The following TRPM3 variants were observed in gnomAD, a reference collection of about 807,000 sequenced individuals.
The protein encoded by TRPM3 is long transient receptor potential channel 3.
Under a neutral mutation model 181.2 loss-of-function variants are expected in TRPM3, and 77 were observed. That is an observed-to-expected ratio of 0.42 (90% CI 0.35 to 0.51). TRPM3 has a LOEUF of 0.51. Ranked by LOEUF, TRPM3 falls within the 20% of genes least tolerant of loss-of-function variation. The pLI is 0.01. For missense variants in TRPM3, 1,759 were observed against 2,196.7 expected (o/e 0.80, Z 3.98); for synonymous variants, 745 against 796.4 (o/e 0.94, Z 1.09).
intron 1 of TRPM3, among the ~76,000 whole-genome samples, chr9:71,074,398 C>G (rs534267174): frequency 2.6e-5 from 4 of 152,242 alleles, no homozygotes; most frequent in African/African-American, 7.2e-5. Flanking sequence ...TCATTTTACT[C>G]TCTGACTTTG....
At chr9:71,205,208 A>T (rs937649141) in intron 1 of TRPM3, among the ~76,000 whole-genome samples, 15 of 150,570 alleles carry the variant, frequency 1.0e-4, no homozygotes, top group African/African-American at 1.5e-4. Flanking sequence ...AAACTTAAAT[A>T]AAAAAAAGTA....
intron 12 of TRPM3, among the ~76,000 whole-genome samples, chr9:70,628,688 G>A (rs2065113185): frequency 6.6e-6 from 1 of 151,848 alleles, no homozygotes. Context: ...GGGGCATGGT[G>A]GCATGCACCT....
At chr9:70,823,518 C>T (rs1013677361) in intron 6 of TRPM3, among the ~76,000 whole-genome samples, 4 of 152,228 alleles carry the variant, frequency 2.6e-5, no homozygotes, top group African/African-American at 9.6e-5. Flanking sequence ...GATACCTCCT[C>T]ATAGAGGTCA....
At chr9:70,563,117 G>A (rs542234272) in intron 22 of TRPM3, among the ~76,000 whole-genome samples, 3 of 152,282 alleles carry the variant, frequency 2.0e-5, no homozygotes, top group Admixed American at 2.0e-4. Flanking sequence ...CCACTTTTTG[G>A]CTTCCGCCAT....
intron 21 of TRPM3, among the ~76,000 whole-genome samples, chr9:70,598,078 C>G (rs577021671): frequency 6.6e-6 from 1 of 152,264 alleles, no homozygotes; most frequent in African/African-American, 2.4e-5. Context: ...GCATTTTTCA[C>G]ATGGTGTGGT....
intron 1 of TRPM3, among the ~76,000 whole-genome samples, chr9:70,888,070 C>G (rs977041262): frequency 6.6e-6 from 1 of 152,184 alleles, no homozygotes; most frequent in African/African-American, 2.4e-5. Context: ...CAAAGCTCTA[C>G]AGATTGCCAT....
chr9:71,224,168 C>T (rs1179334108), intron 1 of TRPM3, among the ~76,000 whole-genome samples: 15 of 152,194 alleles, frequency 9.9e-5, no homozygotes, highest in Non-Finnish European at 2.2e-4. Flanking sequence ...GTCACCCCTC[C>T]TCCAGCTCCA....
chr9:71,225,348 AG>A lies in TRPM3; in HGVS notation c.183+221304del, dbSNP rs201046908. Among the ~76,000 whole-genome samples, 54 of 151,374 alleles carry A rather than the reference AG, an allele frequency of 3.6e-4. 1 individual carries two copies. Among genetic ancestry groups the A allele is most frequent in the Admixed American group, 4.6e-4 (7 of 15,194 alleles). ...GACGTAAAGTGGTGAAGAAAAAAAA[AG>A]AACTTTTACCCTAGAATAGTATATC... On this transcript the variant is annotated intron_variant, in intron 1 of 24. Transcript: ENST00000357533.
chr9:70,757,014 C>T (rs572090120), intron 8 of TRPM3, among the ~76,000 whole-genome samples: 16 of 144,172 alleles, frequency 1.1e-4, no homozygotes, highest in African/African-American at 1.5e-4. Context: ...GATAGAGACA[C>T]GAAAAACACT....
At chr9:71,111,088 T>C (rs149833308) in intron 1 of TRPM3, among the ~76,000 whole-genome samples, 313 of 152,270 alleles carry the variant, frequency 2.1e-3, no homozygotes, top group African/African-American at 7.4e-3. Flanking sequence ...AAAAACAACA[T>C]ATATGGAACA....
intron 1 of TRPM3, among the ~76,000 whole-genome samples, chr9:71,242,735 T>C (rs1402276249): frequency 6.6e-6 from 1 of 152,204 alleles, no homozygotes; most frequent in Non-Finnish European, 1.5e-5. Context: ...ACTTTTATTC[T>C]TGGCCTTTTA....
At chr9:70,810,601 G>T (rs1375846076) in intron 6 of TRPM3, among the ~76,000 whole-genome samples, 1 of 152,112 alleles carries the variant, frequency 6.6e-6, no homozygotes, top group Non-Finnish European at 1.5e-5. Context: ...ATTTGGCACA[G>T]AGTTGGTGCT....
Position 71,121,567 on chromosome 9 carries a change from G to T in TRPM3, c.-213C>A. 1.5e-6 allele frequency: 2 copies of T among 1,366,482 alleles called. No individual in the cohort carries two copies. Among genetic ancestry groups the T allele is most frequent in the East Asian group, 2.7e-5 (1 of 36,512 alleles). The allele number at this position is 1,366,482 out of a possible 1,614,324, so 84.6% of individuals were successfully genotyped here. A position where few individuals can be genotyped will look rare whatever the true frequency, so the allele number is the denominator to read the frequency against. ...GGGGATGCACGATTTTGAAGAAGAG[G>T]GACAGCCTGCACAAAACAGCCTGTG... On this transcript the variant is annotated 5_prime_UTR_variant, in exon 1 of 26. Transcript: ENST00000677713.
chr9:70,842,265 T>C (rs2094720476), intron 5 of TRPM3, among the ~76,000 whole-genome samples: 1 of 152,144 alleles, frequency 6.6e-6, no homozygotes, highest in Admixed American at 6.6e-5. Context: ...AAATGGATCC[T>C]ACCTCCTTTT....
chr9:70,807,462 T>A (rs1424133177), intron 6 of TRPM3, among the ~76,000 whole-genome samples: 1 of 152,222 alleles, frequency 6.6e-6, no homozygotes, highest in Non-Finnish European at 1.5e-5. Context: ...ATGTCATTAT[T>A]GCTTTATGAT....
intron 1 of TRPM3, among the ~76,000 whole-genome samples, chr9:70,897,935 T>C (rs549715955): frequency 6.6e-6 from 1 of 152,256 alleles, no homozygotes; most frequent in South Asian, 2.1e-4. Context: ...AAACAACAGA[T>C]AATTAACAGC....
intron 1 of TRPM3, among the ~76,000 whole-genome samples, chr9:70,937,496 A>T (rs1385432809): frequency 6.6e-6 from 1 of 152,244 alleles, no homozygotes. Context: ...AAGATATTAC[A>T]GAAAAGAGTA....
rs549210402 is a variant in TRPM3, at chr9:71,241,413, G to A, written c.183+205240C>T. Among the ~76,000 whole-genome samples the A allele has an allele frequency of 6.8e-5, 10 of 147,954 alleles. No individual in the cohort carries two copies. In the South Asian group the frequency reaches 1.9e-3, roughly 29 times the overall value. ...TCGCAAGGACAAAAAACCAAACATCGCATGTTCTCACTCATAGGTGGGAAT... is the reference window on the plus strand; with the variant it reads ...TCGCAAGGACAAAAAACCAAACATCACATGTTCTCACTCATAGGTGGGAAT... On this transcript the variant is annotated intron_variant, in intron 1 of 24. Transcript: ENST00000357533.
At chr9:71,076,143 C>T (rs2063428956) in intron 1 of TRPM3, among the ~76,000 whole-genome samples, 2 of 152,160 alleles carry the variant, frequency 1.3e-5, no homozygotes, top group Admixed American at 6.5e-5. Context: ...CTGGAGTCTG[C>T]TCACACAGGC....
Sources: allele counts gnomAD v4.1 joint callset (sites outside exome capture counted in the v4.1 genomes callset), GRCh38; gene constraint gnomAD v4.1.1; transcripts MANE v1.5; gene names NCBI Gene and HGNC (gene_info 2026-07-23, HGNC 2026-07-21).